Variants in MAD1L1 observed in about 807,000 individuals in gnomAD.
The protein encoded by MAD1L1 is mitotic arrest deficient 1 like 1, also known as mitotic spindle assembly checkpoint protein MAD1.
In MAD1L1, 95 loss-of-function variants were observed where a neutral mutation model predicts 96.9. That is an observed-to-expected ratio of 0.98 (90% CI 0.83 to 1.16). The LOEUF (loss-of-function observed/expected upper bound fraction) is 1.16, where lower values mean the gene tolerates loss of function less well. Ranked by LOEUF, MAD1L1 falls within the 50% of genes most tolerant of loss-of-function variation. The probability of loss-of-function intolerance (pLI) is 0.00; values close to 1 mark genes in which losing one functional copy is unlikely to be tolerated. For synonymous variants in MAD1L1, 473 were observed against 396.6 expected (o/e 1.19, Z -2.29); for missense variants, 1,007 against 954.4 (o/e 1.06, Z -0.73).
intron 12 of MAD1L1, among the ~76,000 whole-genome samples, chr7:2,061,022 A>T (rs895199786): frequency 3.3e-5 from 5 of 152,248 alleles, no homozygotes; most frequent in African/African-American, 9.6e-5. Context: ...ACTACAACTC[A>T]GTAAGAACAA....
At chr7:2,231,435 C>A (rs1366757109) in intron 1 of MAD1L1, among the ~76,000 whole-genome samples, 2 of 152,034 alleles carry the variant, frequency 1.3e-5, no homozygotes, top group African/African-American at 4.8e-5. Context: ...GCCTGGCCAA[C>A]ATGGTGAAAC....
At chr7:1,927,540 C>T (rs1185193538) in intron 17 of MAD1L1, among the ~76,000 whole-genome samples, 2 of 152,148 alleles carry the variant, frequency 1.3e-5, no homozygotes, top group Non-Finnish European at 2.9e-5. Context: ...CCCCATAACG[C>T]ATGGCCAACT....
At chr7:1,878,648 C>T (rs1361706706) in intron 18 of MAD1L1, among the ~76,000 whole-genome samples, 1 of 151,344 alleles carries the variant, frequency 6.6e-6, no homozygotes, top group Non-Finnish European at 1.5e-5. Context: ...TAAATGGTAT[C>T]TATGAAAAAC....
chr7:1,923,538 T>A (rs1031605343), intron 17 of MAD1L1, among the ~76,000 whole-genome samples: 2 of 152,240 alleles, frequency 1.3e-5, no homozygotes, highest in African/African-American at 4.8e-5. Context: ...CCTGCGGAGG[T>A]ACAGCCACAG....
chr7:2,193,936 A>AT (rs35067993), intron 10 of MAD1L1, among the ~76,000 whole-genome samples: 15,776 of 82,784 alleles, frequency 0.19, 2,271 homozygotes, highest in South Asian at 0.35. Flanking sequence ...CTCTGCATGG[A>AT]TTTTTTTTTT....
intron 14 of MAD1L1, among the ~76,000 whole-genome samples, chr7:1,983,152 GCGCACACACACACACACACACA>G (rs1332834416): frequency 9.7e-4 from 29 of 29,864 alleles, no homozygotes; most frequent in African/African-American, 2.1e-3. Context: ...GCGCGCGCGC[GCGCACACACACACACACACACA>G]CACACACACA....
chr7:1,948,241 A>T (rs1225842880), intron 16 of MAD1L1, among the ~76,000 whole-genome samples: 1 of 152,158 alleles, frequency 6.6e-6, no homozygotes, highest in Admixed American at 6.5e-5. Flanking sequence ...CCCACAGCCA[A>T]GGCGTCCACG....
intron 10 of MAD1L1, among the ~76,000 whole-genome samples, chr7:2,209,407 A>G (rs888678570): frequency 1.3e-5 from 2 of 152,214 alleles, no homozygotes; most frequent in Non-Finnish European, 2.9e-5. Flanking sequence ...CCTCAACGCC[A>G]GGAGCTCACA....
chr7:2,025,983 T>G, intron 12 of MAD1L1, among the ~76,000 whole-genome samples: 1 of 152,128 alleles, frequency 6.6e-6, no homozygotes, highest in East Asian at 1.9e-4. Context: ...TCAATGCAAA[T>G]GTATCATTAA....
At chr7:1,937,666 G>A (rs1360224731) in intron 16 of MAD1L1, among the ~76,000 whole-genome samples, 2 of 148,430 alleles carry the variant, frequency 1.3e-5, no homozygotes, top group African/African-American at 2.5e-5. Context: ...CCGAGACCCC[G>A]ACCTCACGCC....
chr7:2,202,742 C>T (rs1305700619), intron 10 of MAD1L1, among the ~76,000 whole-genome samples: 1 of 152,204 alleles, frequency 6.6e-6, no homozygotes, highest in Non-Finnish European at 1.5e-5. Context: ...AACTCAACAG[C>T]CGGGTAATTA....
At chr7:2,060,444 GC>G (rs1784607042) in intron 12 of MAD1L1, among the ~76,000 whole-genome samples, 1 of 152,054 alleles carries the variant, frequency 6.6e-6, no homozygotes, top group Non-Finnish European at 1.5e-5. Context: ...CTGAGATAAC[GC>G]CGATGCCGAG....
chr7:1,937,195 C>T (rs141346649), intron 16 of MAD1L1, among the ~76,000 whole-genome samples: 7 of 152,308 alleles, frequency 4.6e-5, no homozygotes, highest in South Asian at 2.1e-4. Context: ...CAGCCAAGTG[C>T]GGTGCTTCCC....
chr7:1,818,214 C>T (rs1173166825), intron 18 of MAD1L1, among the ~76,000 whole-genome samples: 1 of 152,082 alleles, frequency 6.6e-6, no homozygotes, highest in African/African-American at 2.4e-5. Flanking sequence ...AAGAAGTCTC[C>T]TCAGCCGGCC....
At chr7:2,046,242 A>G (rs1783914569) in intron 12 of MAD1L1, among the ~76,000 whole-genome samples, 1 of 152,142 alleles carries the variant, frequency 6.6e-6, no homozygotes, top group Admixed American at 6.5e-5. Flanking sequence ...CAGGCACCCT[A>G]TGTCCCTGTC....
intron 12 of MAD1L1, among the ~76,000 whole-genome samples, chr7:2,030,658 G>A (rs183893198): frequency 4.0e-4 from 61 of 152,320 alleles, no homozygotes; most frequent in Middle Eastern, 3.4e-3. Context: ...ACGCCGCCCC[G>A]GCAGAGGAAA....
At chr7:1,895,947 C>T (rs978743380) in intron 18 of MAD1L1, among the ~76,000 whole-genome samples, 3 of 152,240 alleles carry the variant, frequency 2.0e-5, no homozygotes, top group African/African-American at 4.8e-5. Context: ...GCCAAGGCTC[C>T]AGATCACAAG....
rs190999448 is a variant in MAD1L1 at position 1,877,387 on chromosome 7, C to T, written c.1998+20813G>A. On this transcript the variant is annotated intron_variant, in intron 18 of 18. Coordinates refer to ENST00000265854, the MANE Select transcript of MAD1L1 (RefSeq NM_001013836.2). ...AGGTTTACTGACCCTTGCCCTAGAGCAATAACTAAACCAAAACAGAAGAAA... is the reference window on the plus strand; with the variant it reads ...AGGTTTACTGACCCTTGCCCTAGAGTAATAACTAAACCAAAACAGAAGAAA... Among the ~76,000 whole-genome samples the T allele has an allele frequency of 1.2e-3, 174 of 150,982 alleles. 10 individuals are homozygous for T. Among genetic ancestry groups the T allele is most frequent in the Middle Eastern group, 3.4e-3 (1 of 294 alleles).
intron 18 of MAD1L1, among the ~76,000 whole-genome samples, chr7:1,824,003 G>C (rs1782259291): frequency 6.6e-6 from 1 of 152,186 alleles, no homozygotes; most frequent in Non-Finnish European, 1.5e-5. Context: ...CCATTTGTGG[G>C]GGGACGGAGA....
Sources: gnomAD v4.1 joint callset for allele counts (sites outside exome capture counted in the v4.1 genomes callset) on GRCh38, gnomAD v4.1.1 for gene constraint, MANE v1.5 for transcripts, NCBI Gene and HGNC (gene_info 2026-07-23, HGNC 2026-07-21) for gene names.